The following ZIM3 variants were observed in gnomAD, a reference collection of about 807,000 sequenced individuals.
ZIM3 encodes zinc finger protein 657.
ZIM3 carries 11 observed loss-of-function variants against 12.9 expected under a neutral mutation model. The observed-to-expected ratio is 0.85, with a 90% CI of 0.54 to 1.41. ZIM3 has a LOEUF of 1.41. ZIM3 is among the 40% of genes most tolerant of loss of function. ZIM3 has a pLI of 0.00. For missense variants in ZIM3, 604 were observed against 557.2 expected, an observed-to-expected ratio of 1.08 and a Z score of -0.85; for synonymous variants, 205 against 198.5, an observed-to-expected ratio of 1.03 and a Z score of -0.28.
In ZIM3 at chr19:57,136,988, C is replaced by T. The variant is rs138787072; in HGVS notation, c.143-17G>A. The T allele has an allele frequency of 2.0e-5, 33 of 1,613,166 alleles. No homozygotes were observed. Among genetic ancestry groups the T allele is most frequent in the African/African-American group, 6.7e-5 (5 of 75,002 alleles). ...CCCCTTGTCCTGTGATGGAAGATACCGCAAGGCTTGGTGTTTGTGGATGTG... is the reference window on the plus strand; with the variant it reads ...CCCCTTGTCCTGTGATGGAAGATACTGCAAGGCTTGGTGTTTGTGGATGTG... On this transcript the variant is annotated splice_polypyrimidine_tract_variant and intron_variant, in intron 3 of 4. Transcript: ENST00000269834.
chr19:57,141,463 C>T (rs2086913812), intron 2 of ZIM3, among the ~76,000 whole-genome samples: 1 of 150,650 alleles, frequency 6.6e-6, no homozygotes, highest in South Asian at 2.1e-4. Flanking sequence ...GCCCAGTAAT[C>T]CCATAGACAG....
chr19:57,135,289 C>T lies in ZIM3; in HGVS notation c.1048G>A (p.Val350Ile). 6.2e-7 allele frequency: 1 copy of T among 1,614,110 alleles called. No homozygotes were observed. Among genetic ancestry groups the T allele is most frequent in the Non-Finnish European group, 8.5e-7 (1 of 1,180,032 alleles). Residue 350 changes from valine (V) to isoleucine (I), a missense_variant, in exon 5 of 5, where the codon GTC becomes ATC. Val to Ile is a conservative substitution (Grantham distance 29). Coordinates refer to ENST00000269834, the MANE Select transcript of ZIM3 (RefSeq NM_052882.1). ...GTGTGAATTTTCTCATGATCGATGA[C>T]ATTGGATTTCTGGGAAAAGGCCTTC... is the stretch of plus-strand genomic sequence containing the variant. ...CEKAFSQKSN[V>I]IDHEKIHTGK...
At chr19:57,141,107 G>A (rs994388191) in intron 2 of ZIM3, among the ~76,000 whole-genome samples, 3 of 152,088 alleles carry the variant, frequency 2.0e-5, no homozygotes, top group Admixed American at 2.0e-4. Context: ...GTCAAAAGAT[G>A]CTTGAGGCTG....
At chr19:57,143,120 G>T (rs555006495) in intron 1 of ZIM3, among the ~76,000 whole-genome samples, 2 of 152,272 alleles carry the variant, frequency 1.3e-5, no homozygotes, top group Non-Finnish European at 2.9e-5. Flanking sequence ...GAGGTCAGGA[G>T]ATCAAGACCA....
chr19:57,139,473 C>G (rs2086904293), intron 2 of ZIM3, among the ~76,000 whole-genome samples: 2 of 152,102 alleles, frequency 1.3e-5, no homozygotes, highest in Admixed American at 6.6e-5. Context: ...CACCTATAAT[C>G]CCAGCACTTC....
chr19:57,137,050 G>T, intron 3 of ZIM3, 79 bp from the exon 4 acceptor site: 2 of 1,246,830 alleles, frequency 1.6e-6, no homozygotes, highest in Non-Finnish European at 2.4e-6. Context: ...GTATATAAGC[G>T]CTTGCGTATG....
intron 4 of ZIM3, 57 bp downstream of exon 4, chr19:57,136,816 A>G: frequency 1.3e-6 from 2 of 1,498,328 alleles, no homozygotes; most frequent in Non-Finnish European, 9.3e-7. Context: ...CCTCATTTAG[A>G]AAAGCTGAAT....
At chr19:57,143,200 G>T (rs566889675) in intron 1 of ZIM3, among the ~76,000 whole-genome samples, 3 of 151,942 alleles carry the variant, frequency 2.0e-5, no homozygotes, top group Admixed American at 6.6e-5. Flanking sequence ...GCGTGGTGGC[G>T]GGCGCCTGTA....
intron 1 of ZIM3, among the ~76,000 whole-genome samples, chr19:57,143,699 C>A (rs781699808): frequency 4.9e-5 from 7 of 143,108 alleles, no homozygotes; most frequent in Non-Finnish European, 1.1e-4. Flanking sequence ...TTTTTAAGAC[C>A]AAGTCTTGCT....
chr19:57,139,898 G>T (rs1268681579), intron 2 of ZIM3, among the ~76,000 whole-genome samples: 3 of 151,978 alleles, frequency 2.0e-5, no homozygotes, highest in South Asian at 2.1e-4. Flanking sequence ...CCTGTTACAG[G>T]GGCCAGCGTC....
chr19:57,138,105 A>AGGT (rs2086897887), intron 3 of ZIM3, among the ~76,000 whole-genome samples: 1 of 86,146 alleles, frequency 1.2e-5, no homozygotes, highest in African/African-American at 4.2e-5. Flanking sequence ...GGAGGAAGGG[A>AGGT]AGGAGGCAGG....
Position 57,136,942 on chromosome 19 carries a change from T to C in ZIM3, c.172A>G (p.Ile58Val). ...TCCTTTCCTTGTTCCAACCTCAAGA[T>C]CACATCGGGTTTGGTGGTTTCCCCT... Reference protein sequence around the residue: ...GQGETTKPDVILRLEQGKEPW... With the variant: ...GQGETTKPDVVLRLEQGKEPW... Residue 58 changes from isoleucine (I) to valine (V), a missense_variant, in exon 4 of 5, where the codon ATC becomes GTC. Ile to Val is a conservative substitution (Grantham distance 29, BLOSUM62 3). Transcript: ENST00000269834. 6.2e-7 allele frequency: 1 copy of C among 1,614,194 alleles called. No homozygotes were observed. The highest frequency in any genetic ancestry group is 1.1e-5 in the South Asian group (1 of 91,088).
At chr19:57,137,688 G>A (rs1454622886) in intron 3 of ZIM3, among the ~76,000 whole-genome samples, 2 of 150,890 alleles carry the variant, frequency 1.3e-5, no homozygotes, top group African/African-American at 4.9e-5. Context: ...ACTCCAGCCT[G>A]GGTGACAGAG....
chr19:57,140,315 T>C (rs2086908229), intron 2 of ZIM3, among the ~76,000 whole-genome samples: 1 of 152,088 alleles, frequency 6.6e-6, no homozygotes, highest in African/African-American at 2.4e-5. Flanking sequence ...CAGCTGGGAT[T>C]ACAGGCGCGC....
chr19:57,140,972 C>A (rs2370133), intron 2 of ZIM3, among the ~76,000 whole-genome samples: 118,834 of 151,968 alleles, frequency 0.78, 47,104 homozygotes, highest in African/African-American at 0.91. Flanking sequence ...AAATACACAC[C>A]GAACAAAGTT....
intron 2 of ZIM3, among the ~76,000 whole-genome samples, chr19:57,140,374 C>G (rs2086908540): frequency 6.6e-6 from 1 of 152,036 alleles, no homozygotes; most frequent in African/African-American, 2.4e-5. Flanking sequence ...ACGGGTTTCA[C>G]CATGTTGGCC....
chr19:57,135,459 G>T lies in ZIM3; in HGVS notation c.878C>A (p.Thr293Asn). 1 of 1,614,072 alleles carries T rather than the reference G, an allele frequency of 6.2e-7. No homozygotes were observed. Among genetic ancestry groups the T allele is most frequent in the Non-Finnish European group, 8.5e-7 (1 of 1,180,026 alleles). ...ECEKSFRQNS[T>N]LIQHKKVHTG... is the part of the protein sequence containing the mutation. ...GTGAACTTTTTTATGTTGAATGAGG[G>T]TTGAGTTCTGCCTGAAGGATTTCTC... Residue 293 changes from threonine to asparagine, a missense_variant, in exon 5 of 5, where the codon ACC (threonine) becomes AAC (asparagine). Coordinates refer to ENST00000269834, the MANE Select transcript of ZIM3 (RefSeq NM_052882.1).
Position 57,135,579 on chromosome 19 carries a change from C to A in ZIM3, c.758G>T (p.Cys253Phe). The A allele has an allele frequency of 6.2e-7, 1 of 1,613,996 alleles. No individual in the cohort carries two copies. Among genetic ancestry groups the A allele is most frequent in the African/African-American group, 1.3e-5 (1 of 75,012 alleles). ...KMHTKEKPYQ[C>F]KTCGKAFSWK... Reference sequence around the variant, plus strand: ...GGAAAAGGCTTTTCCACATGTCTTACACTGATAGGGTTTCTCTTTAGTATG... The same window carrying A: ...GGAAAAGGCTTTTCCACATGTCTTAAACTGATAGGGTTTCTCTTTAGTATG... The change falls in exon 5 of 5, where the codon TGT (cysteine) becomes TTT (phenylalanine). Residue 253 changes from cysteine to phenylalanine, a missense_variant. Cys to Phe is a radical substitution (Grantham distance 205). Transcript: ENST00000269834.
rs2086896712 is a variant in ZIM3, at chr19:57,138,022, AGAAGGAAGGAAAGAAG to A, written c.142+434_142+449del. 2.1e-4 allele frequency among the ~76,000 whole-genome samples: 9 copies of A among 42,066 alleles called. 1 individual carries two copies. Among genetic ancestry groups the A allele is most frequent in the East Asian group, 4.3e-3 (1 of 234 alleles). The allele number at this position is 42,066 out of a possible 152,430, so 27.6% of individuals were successfully genotyped here. On this transcript the variant is annotated intron_variant, in intron 3 of 4. Transcript: ENST00000269834. ...AGGAAAGAAGGAAGGAAGGAAGGAA[AGAAGGAAGGAAAGAAG>A]GAAGGAAGGAAGGAAAGAAGGAAGG...
Sources: allele counts gnomAD v4.1 joint callset (sites outside exome capture counted in the v4.1 genomes callset), GRCh38; gene constraint gnomAD v4.1.1; transcripts MANE v1.5; gene names NCBI Gene and HGNC (gene_info 2026-07-23, HGNC 2026-07-21).